Variants in LSAMP observed in about 807,000 individuals in gnomAD.
LSAMP encodes the protein limbic system associated membrane protein.
Under a neutral mutation model 38.6 loss-of-function variants are expected in LSAMP, and 7 were observed. That is an observed-to-expected ratio of 0.18 (90% CI 0.10 to 0.34). LSAMP has a LOEUF of 0.34. Among genes scored for constraint, LSAMP ranks in the 10% least tolerant of loss-of-function variants. LSAMP has a pLI of 1.00. For missense variants in LSAMP, 313 were observed against 420.0 expected, an observed-to-expected ratio of 0.75 and a Z score of 2.23; for synonymous variants, 154 against 166.8, an observed-to-expected ratio of 0.92 and a Z score of 0.59.
At chr3:115,940,260 C>T (rs924214967) in intron 3 of LSAMP, among the ~76,000 whole-genome samples, 3 of 152,024 alleles carry the variant, frequency 2.0e-5, no homozygotes, top group African/African-American at 4.8e-5. Flanking sequence ...TAGTGGGTTG[C>T]CACTGCTGGC....
At chr3:116,271,552 CAAAATAACAAAACTGGATTT>C (rs1313336713) in intron 1 of LSAMP, among the ~76,000 whole-genome samples, 1 of 152,034 alleles carries the variant, frequency 6.6e-6, no homozygotes, top group Non-Finnish European at 1.5e-5. Flanking sequence ...GTGGAAGAAT[CAAAATAACAAAACTGGATTT>C]TGTTAATAAA....
intron 2 of LSAMP, among the ~76,000 whole-genome samples, chr3:116,055,200 T>C (rs1941469177): frequency 6.6e-6 from 1 of 152,216 alleles, no homozygotes; most frequent in African/African-American, 2.4e-5. Context: ...AGATTGCCTA[T>C]GTGAAAGCCC....
chr3:116,318,800 T>C (rs1379026631), intron 1 of LSAMP, among the ~76,000 whole-genome samples: 2 of 152,206 alleles, frequency 1.3e-5, no homozygotes, highest in Non-Finnish European at 2.9e-5. Flanking sequence ...ATAAAGCTAA[T>C]TAAATGCTGT....
chr3:116,086,275 G>A, intron 2 of LSAMP, 49 bp downstream of exon 2: 1 of 1,371,170 alleles, frequency 7.3e-7, no homozygotes, highest in Non-Finnish European at 1.0e-6. Flanking sequence ...TTATTATTCT[G>A]CAACTCCCAC....
chr3:116,339,453 C>G (rs2047964622), intron 1 of LSAMP, among the ~76,000 whole-genome samples: 1 of 151,792 alleles, frequency 6.6e-6, no homozygotes, highest in African/African-American at 2.4e-5. Context: ...ATGACCGTCA[C>G]AGCCACTAAT....
chr3:115,852,426 C>T (rs1041262598), intron 4 of LSAMP, 57 bp downstream of exon 4: 31 of 1,537,044 alleles, frequency 2.0e-5, no homozygotes, highest in Admixed American at 1.3e-4. Flanking sequence ...TTAGAGCTCA[C>T]TGGAGGTAGA....
chr3:115,959,712 A>G (rs2107591848), intron 3 of LSAMP, among the ~76,000 whole-genome samples: 1 of 152,284 alleles, frequency 6.6e-6, no homozygotes, highest in South Asian at 2.1e-4. Flanking sequence ...GAAGTAATAT[A>G]TGGATGTGCT....
intron 3 of LSAMP, among the ~76,000 whole-genome samples, chr3:115,955,363 T>C (rs1053782618): frequency 2.6e-5 from 4 of 152,210 alleles, no homozygotes; most frequent in African/African-American, 9.6e-5. Flanking sequence ...TCACTCCTGA[T>C]TTTTTCCTGA....
At chr3:116,096,640 T>C (rs557856731) in intron 1 of LSAMP, among the ~76,000 whole-genome samples, 62 of 152,354 alleles carry the variant, frequency 4.1e-4, no homozygotes, top group Non-Finnish European at 7.2e-4. Flanking sequence ...CTCACCACTT[T>C]CAACCAGATC....
At position 116,263,404 on chromosome 3, in the gene LSAMP, G is replaced by A. The variant is rs550483811; in HGVS notation, c.156-176848C>T. ...AATACAAAAATTAGCCGGGCATGGC[G>A]GTGCATGCCTGTAATCCCAGCTACT... On this transcript the variant is annotated intron_variant, in intron 1 of 6. Coordinates refer to ENST00000490035, the MANE Select transcript of LSAMP (RefSeq NM_002338.5). 4.6e-5 allele frequency among the ~76,000 whole-genome samples: 7 copies of A among 152,182 alleles called. No individual in the cohort carries two copies. In the East Asian group the frequency reaches 9.7e-4, roughly 21 times the overall value.
At chr3:116,107,909 T>C (rs1041055873) in intron 1 of LSAMP, among the ~76,000 whole-genome samples, 16 of 152,146 alleles carry the variant, frequency 1.1e-4, no homozygotes, top group African/African-American at 3.1e-4. Flanking sequence ...TGATAAGGCA[T>C]AGATCCTGAA....
intron 1 of LSAMP, among the ~76,000 whole-genome samples, chr3:116,376,337 GA>G (rs1235400161): frequency 2.0e-5 from 3 of 152,072 alleles, no homozygotes; most frequent in South Asian, 4.1e-4. Context: ...AAATGTGATG[GA>G]AAAGGGATTC....
At chr3:116,049,930 G>A (rs1941361030) in intron 2 of LSAMP, among the ~76,000 whole-genome samples, 1 of 152,158 alleles carries the variant, frequency 6.6e-6, no homozygotes, top group African/African-American at 2.4e-5. Flanking sequence ...CAAAGAAAAA[G>A]TAAAGGTTAC....
At chr3:116,308,804 T>C (rs558072302) in intron 1 of LSAMP, among the ~76,000 whole-genome samples, 55 of 152,192 alleles carry the variant, frequency 3.6e-4, no homozygotes, top group South Asian at 1.5e-3. Flanking sequence ...TAATATACTA[T>C]TTCAAAGGGT....
chr3:116,150,433 G>A (rs1237994640), intron 1 of LSAMP, among the ~76,000 whole-genome samples: 1 of 151,972 alleles, frequency 6.6e-6, no homozygotes, highest in Non-Finnish European at 1.5e-5. Flanking sequence ...ACTTTCAAAA[G>A]TTTCAGAATA....
chr3:116,115,325 A>G (rs984398285), intron 1 of LSAMP, among the ~76,000 whole-genome samples: 5 of 152,254 alleles, frequency 3.3e-5, no homozygotes, highest in African/African-American at 4.8e-5. Context: ...ACAACAGCCT[A>G]TGTAATGTAG....
intron 3 of LSAMP, among the ~76,000 whole-genome samples, chr3:115,910,768 G>A (rs191311308): frequency 5.4e-4 from 82 of 152,178 alleles, no homozygotes; most frequent in Non-Finnish European, 1.8e-4. Flanking sequence ...CCTTTCAAGA[G>A]TATTATATAA....
intron 3 of LSAMP, among the ~76,000 whole-genome samples, chr3:115,894,679 AAAAT>A (rs1159409752): frequency 3.3e-5 from 5 of 152,096 alleles, no homozygotes; most frequent in Non-Finnish European, 7.4e-5. Flanking sequence ...TGTTCAGAAA[AAAAT>A]CTCAAGCCAC....
At chr3:115,945,282 A>G (rs1442167071) in intron 3 of LSAMP, among the ~76,000 whole-genome samples, 4 of 152,094 alleles carry the variant, frequency 2.6e-5, no homozygotes, top group Non-Finnish European at 4.4e-5. Context: ...GGTGCTCACA[A>G]ATATCTATGC....
Sources: gnomAD v4.1 joint callset for allele counts (sites outside exome capture counted in the v4.1 genomes callset) on GRCh38, gnomAD v4.1.1 for gene constraint, MANE v1.5 for transcripts, NCBI Gene and HGNC (gene_info 2026-07-23, HGNC 2026-07-21) for gene names.